CTTNBP2NL: variants seen among roughly 807,000 people sequenced by gnomAD.
CTTNBP2NL encodes the protein CTTNBP2 N-terminal like.
Under a neutral mutation model 32.5 loss-of-function variants are expected in CTTNBP2NL, and 16 were observed. The ratio of observed to expected loss-of-function variants is 0.49; its 90% CI spans 0.33 to 0.75. CTTNBP2NL has a LOEUF of 0.75. CTTNBP2NL is among the 30% of genes least tolerant of loss of function. The probability of loss-of-function intolerance (pLI) is 0.02; values close to 1 mark genes in which losing one functional copy is unlikely to be tolerated. For missense variants in CTTNBP2NL, 645 were observed against 756.0 expected (o/e 0.85, Z 1.72); for synonymous variants, 298 against 289.4 (o/e 1.03, Z -0.30).
chr1:112,416,128 A>T, intron 2 of CTTNBP2NL, 29 bp from the exon 3 acceptor site: 1 of 1,117,962 alleles, frequency 8.9e-7, no homozygotes. Context: ...ATGTCTTTGG[A>T]GATTGTCTGA....
At chr1:112,400,427 G>C (rs569431499) in intron 1 of CTTNBP2NL, among the ~76,000 whole-genome samples, 1 of 152,178 alleles carries the variant, frequency 6.6e-6, no homozygotes, top group Non-Finnish European at 1.5e-5. Context: ...TTTGGAGGCC[G>C]AAGCGGGTGG....
chr1:112,397,802 A>G (rs1382661627), intron 1 of CTTNBP2NL, among the ~76,000 whole-genome samples: 4 of 152,236 alleles, frequency 2.6e-5, no homozygotes, highest in African/African-American at 4.8e-5. Flanking sequence ...AGCTGATGGC[A>G]ATAAAATGCA....
intron 3 of CTTNBP2NL, among the ~76,000 whole-genome samples, chr1:112,432,400 G>T (rs1649595112): frequency 6.6e-6 from 1 of 151,782 alleles, no homozygotes; most frequent in African/African-American, 2.4e-5. Context: ...TACTGATGAT[G>T]GAATTAAAAT....
chr1:112,425,956 C>CGTGTGTGTGT (rs376135147), intron 3 of CTTNBP2NL, among the ~76,000 whole-genome samples: 77 of 119,750 alleles, frequency 6.4e-4, no homozygotes, highest in Admixed American at 1.9e-3. Flanking sequence ...ATCTGGATGC[C>CGTGTGTGTGT]GTGTGTGTGT....
rs565504595 is a variant in CTTNBP2NL at position 112,459,810 on chromosome 1, GAT to G, written c.*2406_*2407del. 1 of 152,280 alleles carries G rather than the reference GAT, an allele frequency of 6.6e-6. No individual in the cohort carries two copies. Among genetic ancestry groups the G allele is most frequent in the African/African-American group, 2.4e-5 (1 of 41,568 alleles). The allele number at this position is 152,280 out of a possible 1,614,324, so 9.4% of individuals were successfully genotyped here. ...TGTGCTCTTCCTTTGTTTTGGGATA[GAT>G]ATATATAGAGAGAGATACTATAAGG... On this transcript the variant is annotated 3_prime_UTR_variant, in exon 6 of 6. Transcript: ENST00000271277.
chr1:112,452,335 C>CTTCTTTTTTTTTTTTTTTTTTTTT (rs1553227272), intron 4 of CTTNBP2NL, among the ~76,000 whole-genome samples: 6 of 65,688 alleles, frequency 9.1e-5, no homozygotes, highest in African/African-American at 3.1e-4. Flanking sequence ...CCAGTCTCTT[C>CTTCTTTTTTTTTTTTTTTTTTTTT]TTTTTTTTTT....
chr1:112,392,534 A>C (rs1205722838), upstream of CTTNBP2NL, among the ~76,000 whole-genome samples: 1 of 152,154 alleles, frequency 6.6e-6, no homozygotes, highest in Admixed American at 6.5e-5. Context: ...TCCCCCCAAA[A>C]TTCATGTGCA....
intron 2 of CTTNBP2NL, among the ~76,000 whole-genome samples, chr1:112,415,635 C>T (rs913606494): frequency 9.9e-5 from 15 of 151,640 alleles, no homozygotes; most frequent in African/African-American, 3.6e-4. Context: ...CGGCTCACTG[C>T]AATCTTTGCC....
Position 112,456,713 on chromosome 1 carries a change from T to A in CTTNBP2NL, c.1221T>A (p.Ser407=). 6.2e-7 allele frequency: 1 copy of A among 1,614,090 alleles called. No individual in the cohort carries two copies. The highest frequency in any genetic ancestry group is 2.2e-5 in the East Asian group (1 of 44,860). The part of the protein sequence containing the change: ...ETPVPMPSPL[S]SSGSSLSPSS... ...CAGTCCCAATGCCCAGTCCCCTCTCTTCCAGTGGGAGCTCACTGTCTCCCA... is the reference window on the plus strand; with the variant it reads ...CAGTCCCAATGCCCAGTCCCCTCTCATCCAGTGGGAGCTCACTGTCTCCCA... The change falls in exon 6 of 6, where the codon TCT becomes TCA. Residue 407 remains serine, a synonymous_variant. Coordinates refer to ENST00000271277, the MANE Select transcript of CTTNBP2NL (RefSeq NM_018704.3).
At chr1:112,436,742 G>A (rs1649744052) in intron 3 of CTTNBP2NL, among the ~76,000 whole-genome samples, 1 of 151,884 alleles carries the variant, frequency 6.6e-6, no homozygotes, top group Non-Finnish European at 1.5e-5. Context: ...GGGGGTTGTT[G>A]TACAGATTAT....
At chr1:112,447,399 C>CTTA (rs1218800097) in intron 3 of CTTNBP2NL, among the ~76,000 whole-genome samples, 1 of 150,202 alleles carries the variant, frequency 6.7e-6, no homozygotes, top group Non-Finnish European at 1.5e-5. Context: ...TTATTAGTAA[C>CTTA]TTAAAGAAAT....
chr1:112,399,318 CAAAAAAA>C (rs72332884), intron 1 of CTTNBP2NL, among the ~76,000 whole-genome samples: 4 of 78,050 alleles, frequency 5.1e-5, no homozygotes, highest in South Asian at 5.2e-4. Context: ...GACTCTGTCT[CAAAAAAA>C]AAAAAAAAAA....
In CTTNBP2NL at chr1:112,432,521, T is replaced by G. The variant is rs184005568; in HGVS notation, c.99+16257T>G. ...TTATTAAGTCTCTCTTCTTACTGAT[T>G]GGAAATGTCTAGAGATTTTTTTCAT... On this transcript the variant is annotated intron_variant, in intron 3 of 5. Transcript: ENST00000271277. Among the ~76,000 whole-genome samples the G allele has an allele frequency of 5.9e-3, 906 of 152,278 alleles. 7 individuals are homozygous for G. The highest frequency in any genetic ancestry group is 0.02 in the African/African-American group (844 of 41,558).
At chr1:112,420,239 G>C (rs896819475) in intron 3 of CTTNBP2NL, among the ~76,000 whole-genome samples, 1 of 150,234 alleles carries the variant, frequency 6.7e-6, no homozygotes, top group African/African-American at 2.5e-5. Context: ...TCCGCCTCCT[G>C]AGTTCAAGTG....
At chr1:112,425,641 A>G (rs1271711764) in intron 3 of CTTNBP2NL, among the ~76,000 whole-genome samples, 1 of 151,590 alleles carries the variant, frequency 6.6e-6, no homozygotes, top group African/African-American at 2.4e-5. Flanking sequence ...TCGTGGGTGG[A>G]TCATTCAAGT....
At chr1:112,409,680 CCATT>C (rs1467100060) in intron 1 of CTTNBP2NL, among the ~76,000 whole-genome samples, 1 of 152,134 alleles carries the variant, frequency 6.6e-6, no homozygotes, top group Non-Finnish European at 1.5e-5. Context: ...TCTTTTTCCG[CCATT>C]CAGTCTCTAT....
chr1:112,417,205 G>A (rs746617544), intron 3 of CTTNBP2NL, among the ~76,000 whole-genome samples: 5 of 152,074 alleles, frequency 3.3e-5, no homozygotes, highest in Non-Finnish European at 7.4e-5. Flanking sequence ...CAAACCTGTA[G>A]TGCTTTATGT....
intron 1 of CTTNBP2NL, among the ~76,000 whole-genome samples, chr1:112,400,508 A>G (rs530973090): frequency 6.6e-6 from 1 of 152,258 alleles, no homozygotes; most frequent in African/African-American, 2.4e-5. Flanking sequence ...TAAAAATACA[A>G]AAATTGCCAG....
At position 112,459,594 on chromosome 1, in the gene CTTNBP2NL, A is replaced by G. The variant is rs896943514; in HGVS notation, c.*2182A>G. On this transcript the variant is annotated 3_prime_UTR_variant, in exon 6 of 6. Coordinates refer to ENST00000271277, the MANE Select transcript of CTTNBP2NL (RefSeq NM_018704.3). ...AAATAAAAATGCTACTAATGCCCCAAGGTGTCTATCAAAATGATGTAGGGG... is the reference window on the plus strand; with the variant it reads ...AAATAAAAATGCTACTAATGCCCCAGGGTGTCTATCAAAATGATGTAGGGG... The G allele has an allele frequency of 1.3e-5, 2 of 152,246 alleles. No homozygotes were observed. Among genetic ancestry groups the G allele is most frequent in the African/African-American group, 4.8e-5 (2 of 41,474 alleles). The allele number at this position is 152,246 out of a possible 1,614,324, so 9.4% of individuals were successfully genotyped here.
Sources: allele counts gnomAD v4.1 joint callset (sites outside exome capture counted in the v4.1 genomes callset), GRCh38; gene constraint gnomAD v4.1.1; transcripts MANE v1.5; gene names NCBI Gene and HGNC (gene_info 2026-07-23, HGNC 2026-07-21).